NCKAP5: variants seen among roughly 807,000 people sequenced by gnomAD.
The protein encoded by NCKAP5 is NCK associated protein 5.
A neutral mutation model predicts 167.0 loss-of-function variants in NCKAP5; 92 were observed. The observed-to-expected ratio is 0.55, with a 90% CI of 0.47 to 0.66. The LOEUF (loss-of-function observed/expected upper bound fraction) is 0.66. Ranked by LOEUF, NCKAP5 falls within the 30% of genes least tolerant of loss-of-function variation. The pLI, the probability that NCKAP5 is intolerant of heterozygous loss-of-function variation, is 0.00. For synonymous variants in NCKAP5, 891 were observed against 877.4 expected, an observed-to-expected ratio of 1.02 and a Z score of -0.27; for missense variants, 2,378 against 2,315.0, an observed-to-expected ratio of 1.03 and a Z score of -0.56.
intron 3 of NCKAP5, among the ~76,000 whole-genome samples, chr2:133,309,945 A>G (rs1478939984): frequency 6.6e-6 from 1 of 152,210 alleles, no homozygotes; most frequent in East Asian, 1.9e-4. Context: ...AAATCCTGCC[A>G]GCAATTTTGT....
intron 4 of NCKAP5, among the ~76,000 whole-genome samples, chr2:133,253,532 C>T (rs2088458336): frequency 6.6e-6 from 1 of 152,110 alleles, no homozygotes; most frequent in Admixed American, 6.5e-5. Flanking sequence ...TTCAATGCCC[C>T]CATGCCTTGG....
chr2:133,474,156 A>ATCTATC (rs1559511829), intron 3 of NCKAP5, among the ~76,000 whole-genome samples: 2 of 65,838 alleles, frequency 3.0e-5, no homozygotes, highest in South Asian at 4.3e-4. Context: ...ATCTATCTAT[A>ATCTATC]CACACACACA....
intron 3 of NCKAP5, among the ~76,000 whole-genome samples, chr2:133,466,776 T>A (rs1692629486): frequency 1.3e-5 from 2 of 151,938 alleles, no homozygotes; most frequent in African/African-American, 2.4e-5. Context: ...GAAGCAATTG[T>A]GAATGGGAGT....
intron 3 of NCKAP5, among the ~76,000 whole-genome samples, chr2:133,331,809 A>G (rs777736473): frequency 1.5e-4 from 23 of 152,246 alleles, no homozygotes; most frequent in Non-Finnish European, 2.8e-4. Flanking sequence ...GCACTGCCAC[A>G]CACAAAGTGA....
In NCKAP5 at chr2:133,502,937, C is replaced by T. The variant is rs150695060; in HGVS notation, c.69+14521G>A. Among the ~76,000 whole-genome samples the T allele has an allele frequency of 4.7e-3, 721 of 152,254 alleles. 25 individuals are homozygous for T. Among genetic ancestry groups the T allele is most frequent in the Admixed American group, 0.035 (541 of 15,296 alleles). ...GATGGAAGTTGGCCCCTTTCCCTTG[C>T]TCTATGTTGCGATGGTAGGCATCTG... On this transcript the variant is annotated intron_variant, in intron 3 of 19. Coordinates refer to ENST00000409261, the MANE Select transcript of NCKAP5 (RefSeq NM_207363.3).
chr2:133,465,583 T>C (rs1470358394), intron 3 of NCKAP5, among the ~76,000 whole-genome samples: 10 of 152,194 alleles, frequency 6.6e-5, no homozygotes, highest in Non-Finnish European at 8.8e-5. Context: ...GGAATTGCCA[T>C]ACTGACTTCC....
chr2:133,092,454 C>G (rs56924347), intron 6 of NCKAP5, among the ~76,000 whole-genome samples: 3 of 152,068 alleles, frequency 2.0e-5, no homozygotes, highest in Non-Finnish European at 4.4e-5. Flanking sequence ...TTGATTGAAG[C>G]CATCTAGCCT....
chr2:133,040,906 G>A (rs905772624), intron 6 of NCKAP5, among the ~76,000 whole-genome samples: 1 of 152,088 alleles, frequency 6.6e-6, no homozygotes, highest in Non-Finnish European at 1.5e-5. Context: ...CTTTCTCCAG[G>A]TCATGCAAAA....
At chr2:133,461,516 G>A (rs1215596988) in intron 3 of NCKAP5, among the ~76,000 whole-genome samples, 2 of 152,138 alleles carry the variant, frequency 1.3e-5, no homozygotes, top group Non-Finnish European at 2.9e-5. Context: ...CTAGATCAAT[G>A]GGACAGATCT....
intron 2 of NCKAP5, among the ~76,000 whole-genome samples, chr2:133,521,464 G>T (rs1248466168): frequency 6.6e-6 from 1 of 152,240 alleles, no homozygotes; most frequent in Non-Finnish European, 1.5e-5. Context: ...ATATTAGTCA[G>T]CTTGAGCTGT....
intron 19 of NCKAP5, among the ~76,000 whole-genome samples, chr2:132,694,409 C>T (rs1444318909): frequency 2.6e-5 from 4 of 152,114 alleles, no homozygotes; most frequent in African/African-American, 9.7e-5. Context: ...CTTGTTTGGT[C>T]ACTCTACAAA....
chr2:132,920,424 C>T (rs1328180145), intron 8 of NCKAP5, among the ~76,000 whole-genome samples: 1 of 151,506 alleles, frequency 6.6e-6, no homozygotes, highest in African/African-American at 2.4e-5. Context: ...CTGTGGGTTA[C>T]AGCATCATGT....
At chr2:133,012,718 C>T (rs1217633880) in intron 6 of NCKAP5, among the ~76,000 whole-genome samples, 1 of 152,118 alleles carries the variant, frequency 6.6e-6, no homozygotes, top group Non-Finnish European at 1.5e-5. Flanking sequence ...TTCCCTCTTC[C>T]ATCAACTACA....
At chr2:132,850,970 G>T (rs181559611) in intron 11 of NCKAP5, among the ~76,000 whole-genome samples, 10 of 152,132 alleles carry the variant, frequency 6.6e-5, no homozygotes, top group Admixed American at 6.5e-4. Context: ...CGTCATTCCA[G>T]TGAGACTCCT....
chr2:133,397,886 T>A (rs1000492451), intron 3 of NCKAP5, among the ~76,000 whole-genome samples: 1 of 152,172 alleles, frequency 6.6e-6, no homozygotes, highest in Non-Finnish European at 1.5e-5. Context: ...GGCAAGGAGA[T>A]CTAAGCCAGA....
At chr2:132,945,919 C>G (rs1697684992) in intron 8 of NCKAP5, among the ~76,000 whole-genome samples, 2 of 152,144 alleles carry the variant, frequency 1.3e-5, no homozygotes, top group African/African-American at 2.4e-5. Context: ...TGTCAAAACA[C>G]TAAGGTGATG....
intron 11 of NCKAP5, among the ~76,000 whole-genome samples, chr2:132,857,593 G>A (rs1356098274): frequency 2.0e-5 from 3 of 152,186 alleles, no homozygotes; most frequent in Admixed American, 1.3e-4. Flanking sequence ...GGAGATTCCA[G>A]TCTCTGTAAG....
chr2:132,936,135 C>G (rs1696834785), intron 8 of NCKAP5, among the ~76,000 whole-genome samples: 1 of 152,104 alleles, frequency 6.6e-6, no homozygotes, highest in African/African-American at 2.4e-5. Context: ...GCGCTCGCCA[C>G]CATGCCCGGC....
chr2:133,071,857 C>A (rs187978701), intron 6 of NCKAP5, among the ~76,000 whole-genome samples: 1 of 152,170 alleles, frequency 6.6e-6, no homozygotes, highest in Non-Finnish European at 1.5e-5. Flanking sequence ...TGGATAAAAG[C>A]ATAGACTAGG....
Sources: allele counts gnomAD v4.1 joint callset (sites outside exome capture counted in the v4.1 genomes callset), GRCh38; gene constraint gnomAD v4.1.1; transcripts MANE v1.5; gene names NCBI Gene and HGNC (gene_info 2026-07-23, HGNC 2026-07-21).